Variants in BLTP3A observed in about 807,000 individuals in gnomAD.
BLTP3A encodes the protein ICBP90 binding protein 1.
At chr6:34,821,448 T>TAAAAAAAAAA in the BLTP3A span, 2 of 533,452 alleles carry the variant, frequency 3.7e-6, no homozygotes, top group Non-Finnish European at 3.3e-6. Context: ...TTGTTCTGGC[T>TAAAAAAAAAA]GGTCTGAGTG....
the BLTP3A span, among the ~76,000 whole-genome samples, chr6:34,800,169 T>TA: frequency 9.8e-5 from 15 of 152,326 alleles, no homozygotes; most frequent in African/African-American, 3.6e-4. Flanking sequence ...GTTAGGCCTT[T>TA]AGAGGATTTA....
the BLTP3A span, among the ~76,000 whole-genome samples, chr6:34,844,373 C>T: frequency 6.6e-6 from 1 of 152,160 alleles, no homozygotes; most frequent in African/African-American, 2.4e-5. Flanking sequence ...CTCTGGGGTT[C>T]AAGCAATTCT....
chr6:34,822,939 A>T, the BLTP3A span, among the ~76,000 whole-genome samples: 1 of 151,546 alleles, frequency 6.6e-6, no homozygotes, highest in Non-Finnish European at 1.5e-5. Context: ...GTGTATCTTT[A>T]TCCCAAAAAC....
chr6:34,872,423 C>G, the BLTP3A span: 1 of 1,609,302 alleles, frequency 6.2e-7, no homozygotes, highest in Non-Finnish European at 8.5e-7. Context: ...AATATAACCC[C>G]TTCTTTGAGC....
the BLTP3A span, chr6:34,876,990 A>T: frequency 6.6e-6 from 1 of 152,628 alleles, no homozygotes; most frequent in Non-Finnish European, 1.5e-5. Flanking sequence ...TTCTAAAAAA[A>T]ATTCCTGTTA....
At chr6:34,864,385 T>C in the BLTP3A span, among the ~76,000 whole-genome samples, 1 of 152,222 alleles carries the variant, frequency 6.6e-6, no homozygotes, top group Non-Finnish European at 1.5e-5. Context: ...ATTCCATGTT[T>C]CTAGGTTATT....
chr6:34,834,861 A>G, the BLTP3A span: 4 of 1,612,656 alleles, frequency 2.5e-6, no homozygotes, highest in Non-Finnish European at 3.4e-6. Flanking sequence ...TCAAAAGAAG[A>G]GTAAGTGTGT....
At chr6:34,852,833 A>G in the BLTP3A span, among the ~76,000 whole-genome samples, 9 of 152,192 alleles carry the variant, frequency 5.9e-5, no homozygotes, top group African/African-American at 2.2e-4. Context: ...GAACTCAGGT[A>G]ATAACCTCTA....
At chr6:34,841,171 A>G in the BLTP3A span, among the ~76,000 whole-genome samples, 1 of 151,180 alleles carries the variant, frequency 6.6e-6, no homozygotes, top group African/African-American at 2.4e-5. Flanking sequence ...ATTTTTTTTG[A>G]TTCTCACACC....
chr6:34,867,461 GA>G, the BLTP3A span: 2 of 1,613,982 alleles, frequency 1.2e-6, no homozygotes, highest in East Asian at 4.5e-5. Flanking sequence ...AATCTCCTTT[GA>G]TAGGTCTCAG....
At chr6:34,837,689 T>A in the BLTP3A span, among the ~76,000 whole-genome samples, 8 of 151,968 alleles carry the variant, frequency 5.3e-5, no homozygotes, top group Non-Finnish European at 1.0e-4. Flanking sequence ...AAAAAAAAAA[T>A]AATCTTGAAG....
At chr6:34,829,999 G>A in the BLTP3A span, among the ~76,000 whole-genome samples, 62 of 152,106 alleles carry the variant, frequency 4.1e-4, no homozygotes, top group Admixed American at 1.0e-3. Flanking sequence ...GTTTTTAGTA[G>A]AGACTGGGTT....
At chr6:34,873,363 C>T in the BLTP3A span, 1 of 152,342 alleles carries the variant, frequency 6.6e-6, no homozygotes, top group African/African-American at 2.4e-5. Flanking sequence ...TTTCCCAGCT[C>T]TGTGACCTTA....
At chr6:34,871,377 C>T in the BLTP3A span, among the ~76,000 whole-genome samples, 1 of 152,178 alleles carries the variant, frequency 6.6e-6, no homozygotes, top group African/African-American at 2.4e-5. Context: ...CTTTGGCATG[C>T]AGCATTACCA....
the BLTP3A span, among the ~76,000 whole-genome samples, chr6:34,865,132 C>A: frequency 1.3e-4 from 20 of 152,162 alleles, no homozygotes; most frequent in Non-Finnish European, 2.5e-4. Flanking sequence ...CAAATACTTA[C>A]CATTTATTTC....
At chr6:34,871,840 C>T in the BLTP3A span, 4 of 1,614,022 alleles carry the variant, frequency 2.5e-6, no homozygotes, top group African/African-American at 2.7e-5. Context: ...GACAAACCAT[C>T]AGCTGAAGTA....
chr6:34,807,404 C>T, the BLTP3A span, among the ~76,000 whole-genome samples: 47 of 152,298 alleles, frequency 3.1e-4, no homozygotes, highest in African/African-American at 8.9e-4. Flanking sequence ...TGAGCCACTG[C>T]GCCTGGCCTG....
At chr6:34,800,642 A>G in the BLTP3A span, among the ~76,000 whole-genome samples, 2 of 152,208 alleles carry the variant, frequency 1.3e-5, no homozygotes, top group Non-Finnish European at 2.9e-5. Context: ...TTGGAAAAGA[A>G]CATTTCCCAG....
At chr6:34,871,026 C>G in the BLTP3A span, 1 of 1,614,116 alleles carries the variant, frequency 6.2e-7, no homozygotes, top group African/African-American at 1.3e-5. Context: ...CTTCAGTGCT[C>G]AGTGGCCTGG....
Sources: gnomAD v4.1 joint callset for allele counts (sites outside exome capture counted in the v4.1 genomes callset) on GRCh38, gnomAD v4.1.1 for gene constraint, MANE v1.5 for transcripts, NCBI Gene and HGNC (gene_info 2026-07-23, HGNC 2026-07-21) for gene names.